The following KCNE2 variants were observed in gnomAD, a reference collection of about 807,000 sequenced individuals.
KCNE2 encodes the protein potassium voltage-gated channel subfamily E member 2.
In KCNE2, 4 loss-of-function variants were observed where a neutral mutation model predicts 4.5. The observed-to-expected ratio is 0.89, with a 90% CI of 0.44 to 2.03. KCNE2 has a LOEUF of 2.03. KCNE2 is among the 30% of genes most tolerant of loss of function. KCNE2 has a pLI of 0.03. For missense variants in KCNE2, 137 were observed against 151.4 expected, an observed-to-expected ratio of 0.90 and a Z score of 0.50; for synonymous variants, 57 against 55.9, an observed-to-expected ratio of 1.02 and a Z score of -0.09.
Position 34,370,411 on chromosome 21 carries a change from C to T in KCNE2, c.-12-56C>T, listed in dbSNP as rs2123423355. 1 of 1,610,154 alleles carries T rather than the reference C, an allele frequency of 6.2e-7. No homozygotes were observed. Among genetic ancestry groups the T allele is most frequent in the Non-Finnish European group, 8.5e-7 (1 of 1,176,744 alleles). On this transcript the variant is annotated intron_variant, in intron 1 of 1. Coordinates refer to ENST00000290310, the MANE Select transcript of KCNE2 (RefSeq NM_172201.2). ...CCCTCCCACCTTTACATAGCCAAATCCAGAAAAGATCCGTTTTCCTAACCT... is the reference window on the plus strand; with the variant it reads ...CCCTCCCACCTTTACATAGCCAAATTCAGAAAAGATCCGTTTTCCTAACCT...
Position 34,370,891 on chromosome 21 carries a change from A to G in KCNE2, c.*41A>G, listed in dbSNP as rs1052615224. On this transcript the variant is annotated 3_prime_UTR_variant, in exon 2 of 2. Coordinates refer to ENST00000290310, the MANE Select transcript of KCNE2 (RefSeq NM_172201.2). ...CCAAGCTAACATCTGACGTCCAGAC[A>G]TGAAGAGATGCCAGTGCCACGAGGC... 3.7e-6 allele frequency: 6 copies of G among 1,612,220 alleles called. No individual in the cohort carries two copies. Among genetic ancestry groups the G allele is most frequent in the East Asian group, 4.5e-5 (2 of 44,902 alleles).
chr21:34,367,936 C>T (rs945613816), intron 1 of KCNE2, among the ~76,000 whole-genome samples: 1 of 151,864 alleles, frequency 6.6e-6, no homozygotes, highest in Non-Finnish European at 1.5e-5. Flanking sequence ...TTTTCTGAGC[C>T]CCCTTATCTT....
At chr21:34,369,164 G>T (rs180922440) in intron 1 of KCNE2, among the ~76,000 whole-genome samples, 3 of 152,256 alleles carry the variant, frequency 2.0e-5, no homozygotes, top group Non-Finnish European at 4.4e-5. Flanking sequence ...AGCCAATGGG[G>T]TAAATACTGT....
intron 1 of KCNE2, among the ~76,000 whole-genome samples, chr21:34,369,650 T>C (rs561904957): frequency 2.6e-5 from 4 of 152,324 alleles, no homozygotes; most frequent in Admixed American, 6.5e-5. Flanking sequence ...TATTACATTG[T>C]TGGCATTGTA....
Position 34,370,773 on chromosome 21 carries a change from CA to C in KCNE2, c.298del (p.Ile100SerfsTer2), listed in dbSNP as rs780568059. The C allele has an allele frequency of 6.2e-7, 1 of 1,614,166 alleles. No individual in the cohort carries two copies. The highest frequency in any genetic ancestry group is 8.5e-7 in the Non-Finnish European group (1 of 1,180,024). Reference protein sequence around the residue: ...VEDWQEKYKSQILNLEESKAT... With the variant: ...VEDWQEKYKSXILNLEESKAT... ...GGACTGGCAGGAAAAGTACAAGAGC[CA>C]AATCTTGAATCTAGAAGAATCGAAG... On this transcript the variant is annotated frameshift_variant, in exon 2 of 2. Transcript: ENST00000290310. LOFTEE classifies it low-confidence loss of function (END_TRUNC).
intron 1 of KCNE2, among the ~76,000 whole-genome samples, chr21:34,366,729 C>T (rs969635223): frequency 6.6e-6 from 1 of 151,812 alleles, no homozygotes; most frequent in East Asian, 1.9e-4. Context: ...CCTGTAATCC[C>T]AGCACTTTGG....
intron 1 of KCNE2, among the ~76,000 whole-genome samples, chr21:34,366,956 G>A (rs550029489): frequency 2.1e-3 from 214 of 101,500 alleles, no homozygotes; most frequent in Non-Finnish European, 3.1e-3. Context: ...TCCAGCCTGG[G>A]CAAAAGAGAC....
Position 34,364,149 on chromosome 21 carries a change from T to C in KCNE2, c.-15T>C, listed in dbSNP as rs1221805426. On this transcript the variant is annotated splice_region_variant and 5_prime_UTR_variant, in exon 1 of 2. Transcript: ENST00000290310. ...AATTTCATCCTGCCCACACACTGCATAGGTAAGTCTTAGCACACATTCTTT... is the reference window on the plus strand; with the variant it reads ...AATTTCATCCTGCCCACACACTGCACAGGTAAGTCTTAGCACACATTCTTT... 3 of 152,200 alleles carry C rather than the reference T, an allele frequency of 2.0e-5. No individual in the cohort carries two copies. The highest frequency in any genetic ancestry group is 2.1e-4 in the South Asian group (1 of 4,830). The allele number at this position is 152,200 out of a possible 1,614,324, so 9.4% of individuals were successfully genotyped here. A position where few individuals can be genotyped will look rare whatever the true frequency, so the allele number is the denominator to read the frequency against.
At chr21:34,370,298 G>T (rs1481783551) in intron 1 of KCNE2, among the ~76,000 whole-genome samples, 169 bp from the exon 2 acceptor site, 1 of 152,170 alleles carries the variant, frequency 6.6e-6, no homozygotes, top group African/African-American at 2.4e-5. Flanking sequence ...TGAATAAAAT[G>T]TACGCAGTCA....
At chr21:34,365,101 T>C (rs1277338914) in intron 1 of KCNE2, among the ~76,000 whole-genome samples, 1 of 152,204 alleles carries the variant, frequency 6.6e-6, no homozygotes, top group African/African-American at 2.4e-5. Flanking sequence ...GTCCAGGCAC[T>C]GTGGCCAACT....
chr21:34,368,230 AT>A (rs1344332247), intron 1 of KCNE2, among the ~76,000 whole-genome samples: 13 of 13,094 alleles, frequency 9.9e-4, no homozygotes, highest in Admixed American at 4.7e-3. Flanking sequence ...CACACACACA[AT>A]ATATATATAT....
intron 1 of KCNE2, among the ~76,000 whole-genome samples, chr21:34,366,882 GGC>G (rs1979325835): frequency 6.8e-6 from 1 of 147,866 alleles, no homozygotes; most frequent in Admixed American, 7.0e-5. Context: ...AGGAGGCTGA[GGC>G]AGGAGAATGG....
intron 1 of KCNE2, among the ~76,000 whole-genome samples, chr21:34,366,060 C>T (rs1049196637): frequency 2.6e-5 from 4 of 152,172 alleles, no homozygotes; most frequent in African/African-American, 9.7e-5. Context: ...AGCAGTGGGG[C>T]CTTTGTTCAC....
chr21:34,368,383 G>A (rs1033811869), intron 1 of KCNE2, among the ~76,000 whole-genome samples: 5 of 151,218 alleles, frequency 3.3e-5, no homozygotes, highest in African/African-American at 1.2e-4. Flanking sequence ...GGTGGATCAC[G>A]AGGTCACGAG....
intron 1 of KCNE2, among the ~76,000 whole-genome samples, chr21:34,364,962 G>A (rs1315128989): frequency 2.6e-5 from 4 of 152,240 alleles, no homozygotes; most frequent in African/African-American, 9.6e-5. Flanking sequence ...TCAAATCATG[G>A]TCTTGATCTT....
At chr21:34,369,291 T>C (rs1466308949) in intron 1 of KCNE2, among the ~76,000 whole-genome samples, 1 of 152,274 alleles carries the variant, frequency 6.6e-6, no homozygotes, top group East Asian at 1.9e-4. Flanking sequence ...GGCTGACACA[T>C]GTAATCCCAG....
rs41314677 is a variant in KCNE2 at position 34,370,451 on chromosome 21, A to G, written c.-12-16A>G. On this transcript the variant is annotated splice_polypyrimidine_tract_variant and intron_variant, in intron 1 of 1. Coordinates refer to ENST00000290310, the MANE Select transcript of KCNE2 (RefSeq NM_172201.2). ...TTTCCTAACCTTGTTCGCCTATTTT[A>G]TTATTTAAATTGCAGCAGGAGGGAA... 0.04 allele frequency: 63,921 copies of G among 1,614,000 alleles called. 2,254 individuals are homozygous for G. Among genetic ancestry groups the G allele is most frequent in the African/African-American group, 0.19 (14,072 of 74,998 alleles).
chr21:34,369,503 TCG>T (rs1244115137), intron 1 of KCNE2, among the ~76,000 whole-genome samples: 1 of 151,632 alleles, frequency 6.6e-6, no homozygotes, highest in Non-Finnish European at 1.5e-5. Context: ...TGAGCAGAGA[TCG>T]TGCCACCCCA....
At position 34,370,817 on chromosome 21, in the gene KCNE2, C is replaced by T. The variant is rs756380802; in HGVS notation, c.339C>T (p.Asn113=). Residue 113 remains asparagine (N), a synonymous_variant, in exon 2 of 2, where the codon AAC becomes AAT. Transcript: ENST00000290310. ...AATCGAAGGCCACCATCCATGAGAA[C>T]ATTGGTGCGGCTGGGTTCAAAATGT... ...LEESKATIHE[N]IGAAGFKMSP is the part of the protein sequence containing the mutation. The T allele has an allele frequency of 9.9e-6, 16 of 1,614,148 alleles. No homozygotes were observed. The highest frequency in any genetic ancestry group is 4.5e-5 in the East Asian group (2 of 44,884).
Sources: gnomAD v4.1 joint callset for allele counts (sites outside exome capture counted in the v4.1 genomes callset) on GRCh38, gnomAD v4.1.1 for gene constraint, MANE v1.5 for transcripts, NCBI Gene and HGNC (gene_info 2026-07-23, HGNC 2026-07-21) for gene names.